Variants in TIAM1 observed in about 807,000 individuals in gnomAD.
TIAM1 encodes rho guanine nucleotide exchange factor TIAM1.
In TIAM1, 65 loss-of-function variants were observed where a neutral mutation model predicts 163.5. The ratio of observed to expected loss-of-function variants is 0.40; its 90% CI spans 0.33 to 0.49. TIAM1 has a LOEUF of 0.49. Ranked by LOEUF, TIAM1 falls within the 20% of genes least tolerant of loss-of-function variation. The pLI, the probability that TIAM1 is intolerant of heterozygous loss-of-function variation, is 0.77. For synonymous variants in TIAM1, 833 were observed against 810.1 expected (o/e 1.03, Z -0.48); for missense variants, 1,789 against 2,044.7 (o/e 0.87, Z 2.41).
intron 1 of TIAM1, among the ~76,000 whole-genome samples, chr21:31,468,481 T>C (rs995764821): frequency 1.4e-5 from 2 of 141,448 alleles, no homozygotes; most frequent in Non-Finnish European, 3.0e-5. Context: ...AGACTACCTC[T>C]CAAAAAAAAA....
chr21:31,226,265 C>T (rs7277701), intron 6 of TIAM1, among the ~76,000 whole-genome samples: 3,305 of 152,218 alleles, frequency 0.022, 127 homozygotes, highest in African/African-American at 0.074. Context: ...TGTCTACTCA[C>T]GAGGGTTGCT....
At chr21:31,182,225 T>C (rs1028964652) in intron 15 of TIAM1, among the ~76,000 whole-genome samples, 196 bp downstream of exon 15, 5 of 152,182 alleles carry the variant, frequency 3.3e-5, no homozygotes, top group African/African-American at 1.2e-4. Context: ...AACAGCTCTA[T>C]GAGAAAATAA....
intron 1 of TIAM1, among the ~76,000 whole-genome samples, chr21:31,466,629 A>G (rs1602348920): frequency 6.6e-6 from 1 of 152,184 alleles, no homozygotes. Context: ...CCAAGGCAAC[A>G]GGGAAGTACT....
chr21:31,390,184 T>C (rs531843469), intron 2 of TIAM1, among the ~76,000 whole-genome samples: 1 of 152,290 alleles, frequency 6.6e-6, no homozygotes, highest in Non-Finnish European at 1.5e-5. Flanking sequence ...GTTTTCAGTT[T>C]TGATTAAATA....
intron 2 of TIAM1, among the ~76,000 whole-genome samples, chr21:31,312,922 T>A (rs2074984101): frequency 6.6e-6 from 1 of 152,212 alleles, no homozygotes; most frequent in Non-Finnish European, 1.5e-5. Flanking sequence ...TACAGAAATG[T>A]GTGCCAGGGG....
At chr21:31,424,979 G>A (rs1350897573) in intron 2 of TIAM1, among the ~76,000 whole-genome samples, 1 of 151,810 alleles carries the variant, frequency 6.6e-6, no homozygotes, top group Non-Finnish European at 1.5e-5. Flanking sequence ...CTTGAACTGG[G>A]GAGGCAGAGG....
At chr21:31,550,696 A>G (rs1012223771) in intron 1 of TIAM1, among the ~76,000 whole-genome samples, 1 of 152,238 alleles carries the variant, frequency 6.6e-6, no homozygotes, top group Non-Finnish European at 1.5e-5. Flanking sequence ...AGACTTAATC[A>G]TGATTACAGA....
At chr21:31,510,708 G>C (rs914724447) in intron 1 of TIAM1, among the ~76,000 whole-genome samples, 29 of 152,108 alleles carry the variant, frequency 1.9e-4, no homozygotes, top group African/African-American at 6.5e-4. Flanking sequence ...CAGCTACTCA[G>C]GAGGCTGAGA....
At chr21:31,526,324 T>C (rs994630228) in intron 1 of TIAM1, among the ~76,000 whole-genome samples, 1 of 152,162 alleles carries the variant, frequency 6.6e-6, no homozygotes, top group Non-Finnish European at 1.5e-5. Context: ...GGTCAAAGGC[T>C]CCACTGACTG....
At chr21:31,134,280 T>C (rs2082531610) in intron 23 of TIAM1, among the ~76,000 whole-genome samples, 1 of 152,080 alleles carries the variant, frequency 6.6e-6, no homozygotes, top group Non-Finnish European at 1.5e-5. Context: ...TTTACATCAA[T>C]ATCCTGCATC....
At chr21:31,139,163 C>T (rs916330201) in intron 22 of TIAM1, among the ~76,000 whole-genome samples, 45 of 152,204 alleles carry the variant, frequency 3.0e-4, no homozygotes, top group African/African-American at 1.0e-3. Flanking sequence ...TGATCATATT[C>T]ATCTTTTTTT....
chr21:31,437,263 G>A (rs1158824983), intron 2 of TIAM1, among the ~76,000 whole-genome samples: 1 of 152,024 alleles, frequency 6.6e-6, no homozygotes, highest in Admixed American at 6.6e-5. Flanking sequence ...GCACACTGGT[G>A]CACGCTTGTA....
At chr21:31,373,068 AGAAAAG>A (rs2076626052) in intron 2 of TIAM1, among the ~76,000 whole-genome samples, 1 of 140,350 alleles carries the variant, frequency 7.1e-6, no homozygotes. Context: ...AAAAAAAAAA[AGAAAAG>A]AAAAGAAAAG....
At chr21:31,215,568 G>GAAAAAAAA (rs398040071) in intron 9 of TIAM1, among the ~76,000 whole-genome samples, 6 of 75,514 alleles carry the variant, frequency 7.9e-5, no homozygotes, top group African/African-American at 1.8e-4. Context: ...TCTCAAAAAA[G>GAAAAAAAA]AAAAAAAAAA....
chr21:31,335,446 C>T (rs1443286037), intron 2 of TIAM1, among the ~76,000 whole-genome samples: 6 of 152,108 alleles, frequency 3.9e-5, no homozygotes, highest in Non-Finnish European at 7.4e-5. Flanking sequence ...GGTGCGGTGG[C>T]TCATGCTTGT....
At chr21:31,468,763 G>A (rs1363156443) in intron 1 of TIAM1, among the ~76,000 whole-genome samples, 1 of 151,936 alleles carries the variant, frequency 6.6e-6, no homozygotes, top group Admixed American at 6.6e-5. Flanking sequence ...GTGACAGAGC[G>A]AGACTCCATC....
At chr21:31,543,071 T>C (rs1184214242) in intron 1 of TIAM1, among the ~76,000 whole-genome samples, 1 of 152,154 alleles carries the variant, frequency 6.6e-6, no homozygotes, top group Non-Finnish European at 1.5e-5. Context: ...CTGGTTTCTG[T>C]TTATCTGCTG....
At chr21:31,245,719 C>T in intron 5 of TIAM1, 59 bp from the exon 6 acceptor site, 1 of 1,318,254 alleles carries the variant, frequency 7.6e-7, no homozygotes, top group Non-Finnish European at 9.8e-7. Flanking sequence ...CAAAAGAACC[C>T]ACAGTTGAAC....
In TIAM1 at chr21:31,366,824, G is replaced by C. The variant is rs1271727741; in HGVS notation, c.-368-27402C>G. On this transcript the variant is annotated intron_variant, in intron 2 of 28. Coordinates refer to the TIAM1 transcript ENST00000286827. ...ACGGAGACGGGGTTTCGCCATGTTG[G>C]CCAGGCTGGTCTTGAACTCTTAACC... 2.0e-5 allele frequency among the ~76,000 whole-genome samples: 3 copies of C among 152,252 alleles called. No individual in the cohort carries two copies. The East Asian group carries it at 5.8e-4, about 29-fold the overall frequency.
Sources: gnomAD v4.1 joint callset for allele counts (sites outside exome capture counted in the v4.1 genomes callset) on GRCh38, gnomAD v4.1.1 for gene constraint, MANE v1.5 for transcripts, NCBI Gene and HGNC (gene_info 2026-07-23, HGNC 2026-07-21) for gene names.